MKLN1: variants seen among roughly 807,000 people sequenced by gnomAD.
MKLN1 encodes muskelin.
A neutral mutation model predicts 99.0 loss-of-function variants in MKLN1; 18 were observed. That is an observed-to-expected ratio of 0.18 (90% CI 0.13 to 0.27). The LOEUF is 0.27. MKLN1 is among the 10% of genes least tolerant of loss of function. MKLN1 has a pLI of 1.00. For synonymous variants in MKLN1, 288 were observed against 293.2 expected (o/e 0.98, Z 0.18); for missense variants, 621 against 875.9 (o/e 0.71, Z 3.67).
chr7:131,206,623 A>G (rs896483557), intron 3 of MKLN1, among the ~76,000 whole-genome samples: 1 of 151,320 alleles, frequency 6.6e-6, no homozygotes, highest in Non-Finnish European at 1.5e-5. Context: ...TGTCAAAATC[A>G]TAGCTCACTG....
chr7:131,416,401 A>G (rs1795015384), intron 8 of MKLN1, among the ~76,000 whole-genome samples: 1 of 152,310 alleles, frequency 6.6e-6, no homozygotes, highest in Non-Finnish European at 1.5e-5. Flanking sequence ...TTATTCAAAG[A>G]ATAGGCAAAT....
At chr7:131,242,762 G>A in intron 3 of MKLN1, 1 of 696,290 alleles carries the variant, frequency 1.4e-6, no homozygotes, top group Non-Finnish European at 2.7e-6. Flanking sequence ...CAGCTGCCAT[G>A]GGCAAGAAGA....
chr7:131,382,884 C>T (rs918906067), intron 2 of MKLN1, among the ~76,000 whole-genome samples: 4 of 152,008 alleles, frequency 2.6e-5, no homozygotes, highest in South Asian at 2.1e-4. Flanking sequence ...CCACCACGCC[C>T]GGCTAATTTT....
chr7:131,235,232 G>GTC (rs1029819711), intron 3 of MKLN1, among the ~76,000 whole-genome samples: 1 of 151,116 alleles, frequency 6.6e-6, no homozygotes, highest in Non-Finnish European at 1.5e-5. Context: ...TTCTCTCTGT[G>GTC]TCTCTCTCTC....
chr7:131,278,550 G>C (rs1240281144), intron 3 of MKLN1, among the ~76,000 whole-genome samples: 1 of 152,012 alleles, frequency 6.6e-6, no homozygotes. Flanking sequence ...ATTTTAACTA[G>C]AGAGTAGTAG....
rs1443966573 is a variant in MKLN1 at position 131,297,411 on chromosome 7, C to CTG, written c.-178-78012_-178-78011insGT. 2.3e-4 allele frequency among the ~76,000 whole-genome samples: 16 copies of CTG among 70,470 alleles called. No homozygotes were observed. In the East Asian group the frequency reaches 5.5e-3, roughly 24 times the overall value. The allele number at this position is 70,470 out of a possible 152,430, so 46.2% of individuals were successfully genotyped here. ...GTGTGTGTATATATATACACAAATACTCTGTGTGTGTGTGTGTACATACAC... is the reference window on the plus strand; with the variant it reads ...GTGTGTGTATATATATACACAAATACTGTCTGTGTGTGTGTGTGTACATACAC... On this transcript the variant is annotated intron_variant, in intron 3 of 7. Transcript: ENST00000416992.
rs1798507073 is a variant in MKLN1 at position 131,308,651 on chromosome 7, TCTC to T, written c.-178-66772_-178-66770del. On this transcript the variant is annotated intron_variant, in intron 3 of 7. Transcript: ENST00000416992. Reference sequence around the variant, plus strand: ...CCCAGGCTGTAGTGCAATGGCATGATCTCAGCTCACCGCAACGTCCATCTCCCA... The same window carrying T: ...CCCAGGCTGTAGTGCAATGGCATGATAGCTCACCGCAACGTCCATCTCCCA... Among the ~76,000 whole-genome samples, 2 of 151,916 alleles carry T rather than the reference TCTC, an allele frequency of 1.3e-5. 1 individual carries two copies. The highest frequency in any genetic ancestry group is 4.1e-4 in the South Asian group (2 of 4,822).
At chr7:131,184,487 CA>C (rs1173230657) in intron 2 of MKLN1, among the ~76,000 whole-genome samples, 1 of 152,060 alleles carries the variant, frequency 6.6e-6, no homozygotes, top group Non-Finnish European at 1.5e-5. Flanking sequence ...TGCAAGGCCC[CA>C]TGGGGACTTC....
chr7:131,424,171 A>T (rs1044885044), intron 8 of MKLN1, among the ~76,000 whole-genome samples: 15 of 152,180 alleles, frequency 9.9e-5, no homozygotes, highest in African/African-American at 2.9e-4. Context: ...TAAATATTAT[A>T]GAGTTTTATT....
At chr7:131,370,085 G>A (rs906139138) in intron 1 of MKLN1, among the ~76,000 whole-genome samples, 4 of 152,206 alleles carry the variant, frequency 2.6e-5, no homozygotes, top group African/African-American at 9.7e-5. Context: ...TGATCCGCCG[G>A]CTTCGGCCTT....
At chr7:131,313,077 A>T (rs1798598186) in intron 3 of MKLN1, among the ~76,000 whole-genome samples, 1 of 152,264 alleles carries the variant, frequency 6.6e-6, no homozygotes, top group Admixed American at 6.5e-5. Flanking sequence ...GACATTTAGC[A>T]GAGACAGTAT....
chr7:131,311,039 A>T (rs1184036823), intron 3 of MKLN1: 2 of 152,106 alleles, frequency 1.3e-5, no homozygotes, highest in African/African-American at 4.8e-5. Context: ...AAATCTTTTC[A>T]GTCTTCTGTC....
intron 3 of MKLN1, among the ~76,000 whole-genome samples, chr7:131,302,048 G>A (rs1056094628): frequency 1.3e-5 from 2 of 152,212 alleles, no homozygotes; most frequent in African/African-American, 4.8e-5. Context: ...GTAGGAGGAT[G>A]GGATTCTTTC....
rs557721267 is a variant in MKLN1 at position 131,162,600 on chromosome 7, G to A, written c.-297+19659G>A. ...CAGGCCATGTGTATAATATGTATAT[G>A]AAACACACATGATTTTTGAATTTAG... On this transcript the variant is annotated intron_variant, in intron 2 of 7. Coordinates refer to the MKLN1 transcript ENST00000416992. Among the ~76,000 whole-genome samples, 30 of 152,226 alleles carry A rather than the reference G, an allele frequency of 2.0e-4. No individual in the cohort carries two copies. In the South Asian group the frequency reaches 6.0e-3, roughly 31 times the overall value.
At chr7:131,387,344 G>T (rs1794064688) in intron 3 of MKLN1, 82 bp downstream of exon 3, 6 of 1,317,900 alleles carry the variant, frequency 4.6e-6, no homozygotes, top group Non-Finnish European at 6.2e-6. Flanking sequence ...TGCATGGTTT[G>T]ATTTTTCTTT....
intron 1 of MKLN1, among the ~76,000 whole-genome samples, chr7:131,347,523 A>G (rs1333916259): frequency 6.6e-6 from 1 of 152,152 alleles, no homozygotes; most frequent in African/African-American, 2.4e-5. Context: ...AAAAACCCTT[A>G]CTTGCTGCGA....
intron 1 of MKLN1, among the ~76,000 whole-genome samples, chr7:131,336,139 A>G (rs1452215291): frequency 2.0e-5 from 3 of 152,052 alleles, no homozygotes; most frequent in Non-Finnish European, 4.4e-5. Context: ...TTGAAGTCAT[A>G]TTACTAGGCA....
At chr7:131,219,431 A>G (rs1797030261) in intron 3 of MKLN1, among the ~76,000 whole-genome samples, 1 of 152,162 alleles carries the variant, frequency 6.6e-6, no homozygotes, top group South Asian at 2.1e-4. Flanking sequence ...TTCTCTCTCC[A>G]AGGCACAGAG....
chr7:131,496,252 A>C lies in MKLN1; in HGVS notation c.*8524A>C, dbSNP rs1797558059. 6.6e-6 allele frequency: 1 copy of C among 152,078 alleles called. No homozygotes were observed. The highest frequency in any genetic ancestry group is 6.5e-5 in the Admixed American group (1 of 15,272). 9.4% of individuals were successfully genotyped at this position (152,078 alleles called of 1,614,324 possible). Reference sequence around the variant, plus strand: ...AGTATCCACATGGTCTTAAATGGAAATCATGGGACTCTGGAAAGCTGGCAT... The same window carrying C: ...AGTATCCACATGGTCTTAAATGGAACTCATGGGACTCTGGAAAGCTGGCAT... On this transcript the variant is annotated 3_prime_UTR_variant, in exon 18 of 18. Transcript: ENST00000352689.
Sources: allele counts gnomAD v4.1 joint callset (sites outside exome capture counted in the v4.1 genomes callset), GRCh38; gene constraint gnomAD v4.1.1; transcripts MANE v1.5; gene names NCBI Gene and HGNC (gene_info 2026-07-23, HGNC 2026-07-21).